The following PDE10A variants were observed in gnomAD, a reference collection of about 807,000 sequenced individuals.
The protein encoded by PDE10A is cAMP and cAMP-inhibited cGMP 3',5'-cyclic phosphodiesterase 10A.
In PDE10A, 39 loss-of-function variants were observed where a neutral mutation model predicts 97.7. That is an observed-to-expected ratio of 0.40 (90% CI 0.31 to 0.52). The LOEUF (loss-of-function observed/expected upper bound fraction) is 0.52, where lower values mean the gene tolerates loss of function less well. PDE10A is among the 20% of genes least tolerant of loss of function. The pLI is 0.56. For synonymous variants in PDE10A, 371 were observed against 376.8 expected, an observed-to-expected ratio of 0.98 and a Z score of 0.18; for missense variants, 731 against 1,047.8, an observed-to-expected ratio of 0.70 and a Z score of 4.17.
intron 1 of PDE10A, among the ~76,000 whole-genome samples, chr6:165,799,229 G>GA (rs1778913937): frequency 6.6e-6 from 1 of 152,176 alleles, no homozygotes; most frequent in Non-Finnish European, 1.5e-5. Flanking sequence ...GAAAACCAGT[G>GA]AAAGAAAAAC....
chr6:165,650,631 T>C (rs1789635952), intron 1 of PDE10A, among the ~76,000 whole-genome samples: 1 of 152,250 alleles, frequency 6.6e-6, no homozygotes. Context: ...GGCCATTAGA[T>C]GGTTTCCAAT....
chr6:165,604,929 G>C (rs1006139889), intron 1 of PDE10A, among the ~76,000 whole-genome samples: 9 of 152,168 alleles, frequency 5.9e-5, no homozygotes, highest in Admixed American at 4.6e-4. Context: ...AAACTTGACA[G>C]TTAAAAAACA....
At chr6:165,758,954 A>C (rs1033896836) in intron 1 of PDE10A, among the ~76,000 whole-genome samples, 2 of 152,174 alleles carry the variant, frequency 1.3e-5, no homozygotes, top group Non-Finnish European at 2.9e-5. Flanking sequence ...AACATATCAG[A>C]TATGCTTAAT....
chr6:165,721,956 A>G (rs1792177311), intron 1 of PDE10A, among the ~76,000 whole-genome samples: 1 of 152,272 alleles, frequency 6.6e-6, no homozygotes, highest in Non-Finnish European at 1.5e-5. Flanking sequence ...ATTGGTGCAG[A>G]AATGAAACAT....
At chr6:165,806,302 T>C (rs899260950) in intron 1 of PDE10A, among the ~76,000 whole-genome samples, 1 of 152,118 alleles carries the variant, frequency 6.6e-6, no homozygotes, top group East Asian at 1.9e-4. Context: ...CCTGTCACTG[T>C]CTATTCATGT....
intron 3 of PDE10A, among the ~76,000 whole-genome samples, chr6:165,474,760 A>G (rs1779201052): frequency 6.6e-6 from 1 of 152,202 alleles, no homozygotes. Flanking sequence ...GTATTCAGAC[A>G]TACATCTAAC....
At chr6:165,967,361 GT>G (rs1784541459) in intron 1 of PDE10A, among the ~76,000 whole-genome samples, 1 of 152,162 alleles carries the variant, frequency 6.6e-6, no homozygotes. Context: ...GCCGGCTGTG[GT>G]GGTGCATGCC....
intron 1 of PDE10A, among the ~76,000 whole-genome samples, chr6:165,705,471 A>G (rs912656617): frequency 6.6e-6 from 1 of 152,226 alleles, no homozygotes; most frequent in African/African-American, 2.4e-5. Context: ...AGACTTCAGT[A>G]AGCTCCCCAT....
intron 1 of PDE10A, among the ~76,000 whole-genome samples, chr6:165,632,955 G>A (rs1296965050): frequency 2.6e-5 from 4 of 151,978 alleles, no homozygotes; most frequent in Non-Finnish European, 5.9e-5. Context: ...CAATGGAGGG[G>A]GCATGATTAA....
At chr6:165,361,888 C>T (rs555059505) in intron 18 of PDE10A, among the ~76,000 whole-genome samples, 1 of 152,234 alleles carries the variant, frequency 6.6e-6, no homozygotes, top group African/African-American at 2.4e-5. Flanking sequence ...TTTAAGCCAT[C>T]TGGTTTGTGG....
intron 1 of PDE10A, among the ~76,000 whole-genome samples, chr6:165,807,363 C>G (rs1044137981): frequency 1.3e-5 from 2 of 152,128 alleles, no homozygotes; most frequent in Non-Finnish European, 2.9e-5. Flanking sequence ...TTCCATGAAG[C>G]TAAGATGTCA....
chr6:165,885,020 C>T (rs1173189681), intron 1 of PDE10A, among the ~76,000 whole-genome samples: 1 of 152,110 alleles, frequency 6.6e-6, no homozygotes, highest in East Asian at 1.9e-4. Flanking sequence ...TTCATGTGCA[C>T]GCCCCTGCCG....
chr6:165,946,563 G>C (rs1268160749), intron 1 of PDE10A, among the ~76,000 whole-genome samples: 1 of 128,212 alleles, frequency 7.8e-6, no homozygotes, highest in Non-Finnish European at 1.6e-5. Flanking sequence ...AAAATGCTAA[G>C]AGTAGAATTT....
intron 1 of PDE10A, among the ~76,000 whole-genome samples, chr6:165,729,786 GA>G (rs11383862): frequency 0.027 from 4,031 of 151,188 alleles, 66 homozygotes; most frequent in Middle Eastern, 0.055. Flanking sequence ...TTACTAGGCA[GA>G]AAAAAAAATC....
At chr6:165,858,507 C>T (rs6908637) in intron 1 of PDE10A, among the ~76,000 whole-genome samples, 3,351 of 152,302 alleles carry the variant, frequency 0.022, 68 homozygotes, top group South Asian at 0.11. Flanking sequence ...TTCACCTTGA[C>T]GTGAACGGTC....
chr6:165,630,543 C>T (rs981288234), intron 1 of PDE10A, among the ~76,000 whole-genome samples: 2 of 152,128 alleles, frequency 1.3e-5, no homozygotes, highest in Non-Finnish European at 1.5e-5. Flanking sequence ...AGTAGAGAGA[C>T]TTGATGGACT....
intron 18 of PDE10A, among the ~76,000 whole-genome samples, chr6:165,367,299 T>A (rs1001965118): frequency 6.8e-6 from 1 of 147,898 alleles, no homozygotes; most frequent in Admixed American, 6.8e-5. Context: ...AATCACAACA[T>A]GAGGTTAACT....
Position 165,388,707 on chromosome 6 carries a change from C to T in PDE10A, c.2455-254G>A, listed in dbSNP as rs1248041952. ...ATAGTCAAATTATTTTTGAGTTTCT[C>T]TCTCAACTCTAGGAAAAGGTGCAGG... On this transcript the variant is annotated intron_variant, in intron 16 of 21. Transcript: ENST00000539869. This position sits in a 1 kb window ranked among gnomAD's most constrained non-coding sequence, Gnocchi z 4.0. Among the ~76,000 whole-genome samples the T allele has an allele frequency of 6.6e-6, 1 of 152,080 alleles. No individual in the cohort carries two copies. The highest frequency in any genetic ancestry group is 1.5e-5 in the Non-Finnish European group (1 of 68,008).
At chr6:165,854,945 C>G (rs893441260) in intron 1 of PDE10A, among the ~76,000 whole-genome samples, 1 of 152,060 alleles carries the variant, frequency 6.6e-6, no homozygotes, top group African/African-American at 2.4e-5. Context: ...TGCGCCCCTG[C>G]CTGGAGAGGG....
Sources: allele counts gnomAD v4.1 joint callset (sites outside exome capture counted in the v4.1 genomes callset), GRCh38; gene constraint gnomAD v4.1.1; non-coding constraint Gnocchi (gnomAD v3.1); transcripts MANE v1.5; gene names NCBI Gene and HGNC (gene_info 2026-07-23, HGNC 2026-07-21).